The following PDE4D variants were observed in gnomAD, a reference collection of about 807,000 sequenced individuals.
The protein encoded by PDE4D is phosphodiesterase 4D.
A neutral mutation model predicts 87.4 loss-of-function variants in PDE4D; 24 were observed. The ratio of observed to expected loss-of-function variants is 0.27; its 90% CI spans 0.20 to 0.39. The LOEUF (loss-of-function observed/expected upper bound fraction) is 0.39, where lower values mean the gene tolerates loss of function less well. Ranked by LOEUF, PDE4D falls within the 10% of genes least tolerant of loss-of-function variation. The pLI, the probability that PDE4D is intolerant of heterozygous loss-of-function variation, is 1.00. For missense variants in PDE4D, 714 were observed against 1,041.0 expected (o/e 0.69, Z 4.32); for synonymous variants, 384 against 383.2 (o/e 1.00, Z -0.02).
chr5:59,750,945 CAAAAA>C (rs34787047), intron 1 of PDE4D, among the ~76,000 whole-genome samples: 7 of 68,760 alleles, frequency 1.0e-4, no homozygotes, highest in Non-Finnish European at 2.0e-4. Flanking sequence ...GACCCTGTCT[CAAAAA>C]AAAAAAAAAA....
intron 3 of PDE4D, among the ~76,000 whole-genome samples, chr5:59,916,315 A>G (rs1311231801): frequency 1.3e-5 from 2 of 152,232 alleles, no homozygotes; most frequent in East Asian, 3.8e-4. Flanking sequence ...GTGTGTGTAT[A>G]TACAACCGTA....
chr5:59,639,861 G>C (rs1293200927), intron 1 of PDE4D, among the ~76,000 whole-genome samples: 2 of 146,414 alleles, frequency 1.4e-5, no homozygotes, highest in African/African-American at 5.0e-5. Flanking sequence ...GTGTGTGATG[G>C]GATGGGGATT....
chr5:59,892,170 C>CTTT (rs1451213998), intron 1 of PDE4D, among the ~76,000 whole-genome samples: 13 of 152,276 alleles, frequency 8.5e-5, no homozygotes, highest in African/African-American at 3.1e-4. Flanking sequence ...AACGTGGGCC[C>CTTT]CACATCCACC....
intron 2 of PDE4D, among the ~76,000 whole-genome samples, chr5:60,000,489 T>A (rs1324599533): frequency 2.4e-4 from 37 of 152,170 alleles, no homozygotes; most frequent in Non-Finnish European, 2.9e-5. Flanking sequence ...CAAAACTGTA[T>A]TTTGAAAATG....
intron 1 of PDE4D, among the ~76,000 whole-genome samples, chr5:59,281,624 T>A (rs2153548006): frequency 6.6e-6 from 1 of 152,230 alleles, no homozygotes; most frequent in Admixed American, 6.5e-5. Flanking sequence ...TAATGTATAT[T>A]CCCCCTGTTG....
chr5:59,566,776 T>C (rs1470792661), intron 1 of PDE4D, among the ~76,000 whole-genome samples: 1 of 152,012 alleles, frequency 6.6e-6, no homozygotes, highest in African/African-American at 2.4e-5. Context: ...GGTACAAGGT[T>C]AAGGAAGCTG....
chr5:60,220,587 G>T (rs1381439194), intron 1 of PDE4D, among the ~76,000 whole-genome samples: 1 of 152,014 alleles, frequency 6.6e-6, no homozygotes, highest in Non-Finnish European at 1.5e-5. Context: ...GAGAACAACT[G>T]CTCTAAGCTT....
intron 1 of PDE4D, among the ~76,000 whole-genome samples, chr5:59,265,153 GATAC>G (rs1473109453): frequency 6.6e-6 from 1 of 152,012 alleles, no homozygotes; most frequent in African/African-American, 2.4e-5. Flanking sequence ...CAGTAGGAAA[GATAC>G]ATGGAGAAAG....
chr5:58,982,232 C>T (rs1745339779), intron 11 of PDE4D, among the ~76,000 whole-genome samples: 1 of 152,128 alleles, frequency 6.6e-6, no homozygotes, highest in African/African-American at 2.4e-5. Flanking sequence ...GAAATAGCAC[C>T]ACATATTGGA....
At chr5:59,332,065 T>C (rs1776816338) in intron 1 of PDE4D, among the ~76,000 whole-genome samples, 1 of 152,216 alleles carries the variant, frequency 6.6e-6, no homozygotes, top group African/African-American at 2.4e-5. Flanking sequence ...CCTTAGAGCA[T>C]GGCTACTGAT....
chr5:60,333,154 A>G (rs1159832350), intron 1 of PDE4D, among the ~76,000 whole-genome samples: 1 of 152,216 alleles, frequency 6.6e-6, no homozygotes, highest in African/African-American at 2.4e-5. Flanking sequence ...AGATTCATTC[A>G]TCTCTTCTCC....
chr5:59,457,994 G>A (rs879735517), intron 1 of PDE4D, among the ~76,000 whole-genome samples: 10 of 152,142 alleles, frequency 6.6e-5, no homozygotes, highest in Non-Finnish European at 1.2e-4. Flanking sequence ...AATGTGAACC[G>A]TTAATGTGAC....
At chr5:59,175,550 C>T (rs529379211) in intron 5 of PDE4D, among the ~76,000 whole-genome samples, 5 of 136,588 alleles carry the variant, frequency 3.7e-5, no homozygotes, top group Non-Finnish European at 6.1e-5. Flanking sequence ...GGCCTGATCT[C>T]GGCTCACTGC....
At chr5:59,609,143 T>G (rs1015073120) in intron 1 of PDE4D, among the ~76,000 whole-genome samples, 2 of 152,036 alleles carry the variant, frequency 1.3e-5, no homozygotes, top group Non-Finnish European at 2.9e-5. Context: ...TGTAGAGAGA[T>G]ATGTCATAAA....
chr5:60,218,618 T>C (rs556230448), intron 1 of PDE4D, among the ~76,000 whole-genome samples: 1 of 152,064 alleles, frequency 6.6e-6, no homozygotes, highest in Non-Finnish European at 1.5e-5. Flanking sequence ...GAATTGAGAA[T>C]CATTTCAAAT....
At chr5:59,229,250 G>T (rs775065333) in intron 1 of PDE4D, among the ~76,000 whole-genome samples, 1 of 152,036 alleles carries the variant, frequency 6.6e-6, no homozygotes, top group Non-Finnish European at 1.5e-5. Flanking sequence ...GAATACATGG[G>T]TATCTTTAGA....
chr5:60,366,350 A>T (rs111245656), intron 1 of PDE4D, among the ~76,000 whole-genome samples: 1 of 152,250 alleles, frequency 6.6e-6, no homozygotes, highest in Non-Finnish European at 1.5e-5. Flanking sequence ...CCCAAAGATC[A>T]AGAGAAGAAG....
At chr5:60,390,663 C>A (rs1041203772) in intron 1 of PDE4D, among the ~76,000 whole-genome samples, 11 of 143,436 alleles carry the variant, frequency 7.7e-5, no homozygotes, top group Admixed American at 4.8e-4. Flanking sequence ...AAAAAAAAAA[C>A]AAGAACCACC....
chr5:59,706,809 A>T (rs1753477520), intron 1 of PDE4D, among the ~76,000 whole-genome samples: 1 of 152,204 alleles, frequency 6.6e-6, no homozygotes, highest in Non-Finnish European at 1.5e-5. Context: ...TTATGCACAC[A>T]TATATACATA....
Sources: gnomAD v4.1 joint callset for allele counts (sites outside exome capture counted in the v4.1 genomes callset) on GRCh38, gnomAD v4.1.1 for gene constraint, MANE v1.5 for transcripts, NCBI Gene and HGNC (gene_info 2026-07-23, HGNC 2026-07-21) for gene names.